The following HLCS variants were observed in gnomAD, a reference collection of about 807,000 sequenced individuals.
The protein encoded by HLCS is biotin--protein ligase.
Under a neutral mutation model 75.0 loss-of-function variants are expected in HLCS, and 53 were observed. That is an observed-to-expected ratio of 0.71 (90% CI 0.57 to 0.89). The LOEUF is 0.89. HLCS is among the 40% of genes least tolerant of loss of function. The pLI is 0.00. For missense variants in HLCS, 966 were observed against 1,074.0 expected, an observed-to-expected ratio of 0.90 and a Z score of 1.41; for synonymous variants, 431 against 428.6, an observed-to-expected ratio of 1.01 and a Z score of -0.07.
chr21:36,934,445 C>A (rs531497102), intron 4 of HLCS, among the ~76,000 whole-genome samples: 1 of 152,292 alleles, frequency 6.6e-6, no homozygotes, highest in African/African-American at 2.4e-5. Flanking sequence ...CTAAGCTAAA[C>A]AAGAAAACAA....
At chr21:36,760,481 G>C (rs1445231552) in intron 8 of HLCS, among the ~76,000 whole-genome samples, 1 of 152,022 alleles carries the variant, frequency 6.6e-6, no homozygotes, top group East Asian at 1.9e-4. Flanking sequence ...GTGGTGGTGT[G>C]CATCTGTAAT....
chr21:36,778,113 C>T (rs1322751770), intron 6 of HLCS, among the ~76,000 whole-genome samples: 3 of 151,644 alleles, frequency 2.0e-5, no homozygotes, highest in African/African-American at 7.3e-5. Flanking sequence ...GGACTACAGG[C>T]GCCCGCCACC....
chr21:36,966,899 G>A (rs376836063), upstream of HLCS, among the ~76,000 whole-genome samples: 3 of 151,338 alleles, frequency 2.0e-5, no homozygotes, highest in East Asian at 3.9e-4. Context: ...GGCGGCGAGG[G>A]GCAGCGCTGG....
At chr21:36,872,038 C>T (rs748070356) in intron 6 of HLCS, among the ~76,000 whole-genome samples, 38 of 152,188 alleles carry the variant, frequency 2.5e-4, no homozygotes, top group Non-Finnish European at 5.3e-4. Flanking sequence ...TTTTCTTATA[C>T]TTGCTTTAGT....
intron 6 of HLCS, among the ~76,000 whole-genome samples, chr21:36,770,942 G>A (rs879428489): frequency 3.9e-5 from 6 of 152,196 alleles, no homozygotes; most frequent in East Asian, 1.9e-4. Context: ...ACAATTGGCC[G>A]GGCGTGGTGG....
chr21:36,808,051 TAAAAA>T (rs5843778), intron 6 of HLCS, among the ~76,000 whole-genome samples: 1 of 147,706 alleles, frequency 6.8e-6, no homozygotes, highest in Non-Finnish European at 1.5e-5. Context: ...ATCTAGAAAA[TAAAAA>T]AAAAAAAAAG....
intron 1 of HLCS, among the ~76,000 whole-genome samples, chr21:36,984,129 A>C (rs540563962): frequency 7.2e-5 from 11 of 152,224 alleles, no homozygotes; most frequent in Admixed American, 2.6e-4. Context: ...ATAAGCCACC[A>C]CACCTGGCCA....
intron 8 of HLCS, 82 bp from the exon 9 acceptor site, chr21:36,759,923 C>T: frequency 3.4e-6 from 3 of 879,116 alleles, no homozygotes; most frequent in Non-Finnish European, 5.9e-6. Flanking sequence ...GGAAGATAAG[C>T]AGAAACCAAG....
chr21:36,760,762 TG>T (rs951820938), intron 8 of HLCS, among the ~76,000 whole-genome samples: 18 of 150,718 alleles, frequency 1.2e-4, no homozygotes, highest in African/African-American at 1.7e-4. Flanking sequence ...GGCCTGGGGG[TG>T]GGGGGGCTCT....
intron 4 of HLCS, 62 bp downstream of exon 4, chr21:36,936,387 A>G: frequency 7.2e-7 from 1 of 1,391,334 alleles, no homozygotes; most frequent in Non-Finnish European, 1.0e-6. Flanking sequence ...TAAAAGACAT[A>G]TTCCCTCGCA....
At chr21:36,861,923 C>G (rs2063394617) in intron 6 of HLCS, among the ~76,000 whole-genome samples, 1 of 152,142 alleles carries the variant, frequency 6.6e-6, no homozygotes. Context: ...GCAGCCACTC[C>G]CCATTCCTCT....
At chr21:36,936,326 CA>C in intron 4 of HLCS, 122 bp downstream of exon 4, 1 of 911,722 alleles carries the variant, frequency 1.1e-6, no homozygotes, top group Non-Finnish European at 1.8e-6. Context: ...AGCCAATAGT[CA>C]AAAACAGCCC....
rs115952084 is a variant in HLCS at position 36,829,586 on chromosome 21, A to G, written c.1893-62301T>C. Among the ~76,000 whole-genome samples, 668 of 152,366 alleles carry G rather than the reference A, an allele frequency of 4.4e-3. 7 individuals carry two copies. Among genetic ancestry groups the G allele is most frequent in the African/African-American group, 0.016 (653 of 41,590 alleles). On this transcript the variant is annotated intron_variant, in intron 6 of 10. Coordinates refer to ENST00000674895, the MANE Select transcript of HLCS (RefSeq NM_001352514.2). ...GATATTTGTAACTATGCAGACATTT[A>G]TAATCCTAGTTTGTTAGGATTACAT...
intron 4 of HLCS, among the ~76,000 whole-genome samples, chr21:36,933,095 G>A (rs2066720304): frequency 1.3e-5 from 2 of 152,092 alleles, no homozygotes; most frequent in Admixed American, 6.5e-5. Flanking sequence ...TCCAGCCTGG[G>A]TGACAGAGTG....
chr21:36,878,147 T>C (rs1372542348), intron 6 of HLCS, among the ~76,000 whole-genome samples: 6 of 152,128 alleles, frequency 3.9e-5, no homozygotes, highest in Non-Finnish European at 5.9e-5. Context: ...AGGGAACATC[T>C]GGCCATCATT....
chr21:36,930,147 T>C (rs2066571622), intron 5 of HLCS, 104 bp downstream of exon 5: 8 of 1,045,864 alleles, frequency 7.6e-6, no homozygotes, highest in Non-Finnish European at 6.0e-6. Context: ...AAAACAGAAA[T>C]GGAAAATCAA....
intron 6 of HLCS, among the ~76,000 whole-genome samples, chr21:36,788,970 T>A (rs1442910267): frequency 2.6e-5 from 4 of 152,192 alleles, no homozygotes; most frequent in Non-Finnish European, 5.9e-5. Flanking sequence ...ATCTTGATTA[T>A]CCTACTAGAA....
At chr21:36,944,384 C>T (rs879717880) in intron 2 of HLCS, among the ~76,000 whole-genome samples, 2 of 152,014 alleles carry the variant, frequency 1.3e-5, no homozygotes, top group Non-Finnish European at 2.9e-5. Context: ...TAGAAAGAGG[C>T]GCAAGACAAA....
chr21:36,854,978 T>C (rs770479079), intron 6 of HLCS, among the ~76,000 whole-genome samples: 5 of 152,076 alleles, frequency 3.3e-5, no homozygotes, highest in Admixed American at 2.6e-4. Context: ...GTAAAGTCCA[T>C]ACAAGCACAA....
Sources: allele counts gnomAD v4.1 joint callset (sites outside exome capture counted in the v4.1 genomes callset), GRCh38; gene constraint gnomAD v4.1.1; transcripts MANE v1.5; gene names NCBI Gene and HGNC (gene_info 2026-07-23, HGNC 2026-07-21).